SIK3: variants seen among roughly 807,000 people sequenced by gnomAD.
SIK3 encodes SIK family kinase 3.
A neutral mutation model predicts 144.2 loss-of-function variants in SIK3; 28 were observed. The ratio of observed to expected loss-of-function variants is 0.19; its 90% CI spans 0.14 to 0.27. SIK3 has a LOEUF of 0.27. SIK3 is among the 10% of genes least tolerant of loss of function. The probability of loss-of-function intolerance (pLI) is 1.00; values close to 1 mark genes in which losing one functional copy is unlikely to be tolerated. For synonymous variants in SIK3, 686 were observed against 676.3 expected (o/e 1.01, Z -0.22); for missense variants, 1,319 against 1,776.0 (o/e 0.74, Z 4.62).
intron 21 of SIK3, among the ~76,000 whole-genome samples, chr11:116,854,035 A>G (rs867596493): frequency 1.3e-5 from 2 of 152,228 alleles, no homozygotes; most frequent in African/African-American, 4.8e-5. Flanking sequence ...AACCATGGAC[A>G]CTGATATGAT....
intron 3 of SIK3, among the ~76,000 whole-genome samples, chr11:116,952,420 G>T (rs1948977158): frequency 6.6e-6 from 1 of 152,130 alleles, no homozygotes; most frequent in Non-Finnish European, 1.5e-5. Flanking sequence ...ACCTTATCTA[G>T]ATAATGAAAG....
chr11:116,884,756 T>G (rs1944728237), intron 6 of SIK3, among the ~76,000 whole-genome samples: 1 of 152,150 alleles, frequency 6.6e-6, no homozygotes, highest in Non-Finnish European at 1.5e-5. Flanking sequence ...GGATTACAGG[T>G]GCATGCCACC....
chr11:116,965,531 G>C (rs1309872564), intron 1 of SIK3, among the ~76,000 whole-genome samples: 1 of 151,424 alleles, frequency 6.6e-6, no homozygotes, highest in African/African-American at 2.4e-5. Flanking sequence ...GAGATACTTA[G>C]AATGGGATTG....
In SIK3 at chr11:116,858,690, C is replaced by T. The variant is rs760283594; in HGVS notation, c.2775G>A (p.Val925=). 3 of 1,533,018 alleles carry T rather than the reference C, an allele frequency of 2.0e-6. No individual in the cohort carries two copies. Among genetic ancestry groups the T allele is most frequent in the East Asian group, 2.3e-5 (1 of 44,130 alleles). The allele number at this position is 1,533,018 out of a possible 1,614,324, so 95.0% of individuals were successfully genotyped here. A position where few individuals can be genotyped will look rare whatever the true frequency, so the allele number is the denominator to read the frequency against. Residue 925 remains valine (V), a synonymous_variant, in exon 21 of 25, where the codon GTG becomes GTA. Transcript: ENST00000445177. The surrounding 1 kb of genome is among the most constrained non-coding windows in gnomAD (Gnocchi z 5.4). ...CGTAGTTAGCAGGGGAGAACCGATT[C>T]ACGTTCAAGCTGCAGACACAAAAGG... ...ADSAEAHSLN[V]NRFSPANYDQ... is the part of the protein sequence containing the mutation.
intron 1 of SIK3, among the ~76,000 whole-genome samples, chr11:117,052,399 G>A (rs1187565019): frequency 2.0e-5 from 3 of 152,204 alleles, no homozygotes; most frequent in African/African-American, 7.2e-5. Context: ...GCATGGTGGG[G>A]TGTTAAGGGT....
intron 21 of SIK3, chr11:116,857,259 C>T (rs1207710686): frequency 6.5e-6 from 1 of 154,440 alleles, no homozygotes; most frequent in African/African-American, 2.4e-5. Context: ...CTCTCTCATG[C>T]AAACATTATG....
intron 1 of SIK3, among the ~76,000 whole-genome samples, chr11:116,974,125 C>T (rs1949864925): frequency 6.6e-6 from 1 of 152,196 alleles, no homozygotes; most frequent in Non-Finnish European, 1.5e-5. Context: ...GACCTCTGTA[C>T]TGTATCTGCA....
At chr11:117,049,966 A>AG (rs1328025478) in intron 1 of SIK3, among the ~76,000 whole-genome samples, 3 of 150,646 alleles carry the variant, frequency 2.0e-5, no homozygotes, top group Non-Finnish European at 4.4e-5. Context: ...TCTCTTAAAA[A>AG]AAAAATAGGA....
intron 16 of SIK3, among the ~76,000 whole-genome samples, chr11:116,863,185 G>A (rs982697471): frequency 5.3e-5 from 8 of 152,166 alleles, no homozygotes; most frequent in African/African-American, 1.4e-4. Context: ...CCCTTCACAG[G>A]GGAAGGAAGT....
At chr11:116,967,890 C>T (rs1327914954) in intron 1 of SIK3, among the ~76,000 whole-genome samples, 2 of 152,194 alleles carry the variant, frequency 1.3e-5, no homozygotes, top group East Asian at 3.8e-4. Flanking sequence ...AACAGGTGCA[C>T]ACTACCAGCG....
At chr11:116,863,941 G>T in intron 15 of SIK3, 123 bp from the exon 16 acceptor site, 1 of 997,274 alleles carries the variant, frequency 1.0e-6, no homozygotes, top group East Asian at 2.7e-5. Flanking sequence ...TGCATATTAT[G>T]CCACTTTCAT....
chr11:116,958,199 G>GA (rs1256299251), intron 1 of SIK3, among the ~76,000 whole-genome samples: 2 of 152,252 alleles, frequency 1.3e-5, no homozygotes, highest in East Asian at 3.9e-4. Flanking sequence ...ACTTACTGAG[G>GA]AAAAAATCAG....
chr11:117,062,054 G>C (rs947177967), intron 1 of SIK3, among the ~76,000 whole-genome samples: 1 of 151,860 alleles, frequency 6.6e-6, no homozygotes, highest in African/African-American at 2.4e-5. Flanking sequence ...GCCAGGCACA[G>C]TGGTTCACGC....
At chr11:116,944,494 T>C (rs904201851) in intron 3 of SIK3, among the ~76,000 whole-genome samples, 2 of 152,114 alleles carry the variant, frequency 1.3e-5, no homozygotes, top group African/African-American at 2.4e-5. Flanking sequence ...ATCAGGCTTA[T>C]GTAAAATAAA....
chr11:116,896,248 C>G lies in SIK3; in HGVS notation c.865+5G>C, dbSNP rs750139351. ...TTCATAGCTGTGTGCTAGCGACTCC[C>G]TTACCTGTGGACATAAAAAATGGGA... is the stretch of plus-strand genomic sequence containing the variant. On this transcript the variant is annotated splice_donor_5th_base_variant and intron_variant, in intron 6 of 24. Coordinates refer to ENST00000445177, the MANE Select transcript of SIK3 (RefSeq NM_001366686.3). 4.3e-6 allele frequency: 7 copies of G among 1,613,344 alleles called. No individual in the cohort carries two copies. Among genetic ancestry groups the G allele is most frequent in the Non-Finnish European group, 5.9e-6 (7 of 1,179,506 alleles).
intron 1 of SIK3, among the ~76,000 whole-genome samples, chr11:117,073,169 T>C (rs906187954): frequency 8.5e-5 from 13 of 152,322 alleles, no homozygotes; most frequent in East Asian, 3.9e-4. Context: ...GGAAATTTTA[T>C]CTTAAGGCTC....
chr11:116,956,380 T>A (rs1287331684), intron 2 of SIK3, among the ~76,000 whole-genome samples: 1 of 151,474 alleles, frequency 6.6e-6, no homozygotes, highest in Non-Finnish European at 1.5e-5. Flanking sequence ...ATTGGAGAGA[T>A]CTGGTCACTT....
At chr11:116,966,316 G>A (rs919196438) in intron 1 of SIK3, among the ~76,000 whole-genome samples, 3 of 152,086 alleles carry the variant, frequency 2.0e-5, no homozygotes, top group Non-Finnish European at 4.4e-5. Context: ...GATCATTTGA[G>A]TCCAAGAGCT....
intron 5 of SIK3, among the ~76,000 whole-genome samples, chr11:116,896,782 T>G (rs983402071): frequency 1.3e-5 from 2 of 152,160 alleles, no homozygotes; most frequent in Non-Finnish European, 2.9e-5. Flanking sequence ...TCCCAGCATT[T>G]TGGGAGGCCA....
Sources: allele counts gnomAD v4.1 joint callset (sites outside exome capture counted in the v4.1 genomes callset), GRCh38; gene constraint gnomAD v4.1.1; non-coding constraint Gnocchi (gnomAD v3.1); transcripts MANE v1.5; gene names NCBI Gene and HGNC (gene_info 2026-07-23, HGNC 2026-07-21).